DOCK2: variants seen among roughly 807,000 people sequenced by gnomAD.
DOCK2 encodes the protein dedicator of cytokinesis protein 2.
DOCK2 carries 87 observed loss-of-function variants against 248.9 expected under a neutral mutation model. The observed-to-expected ratio is 0.35, with a 90% CI of 0.29 to 0.42. DOCK2 has a LOEUF of 0.42. Among genes scored for constraint, DOCK2 ranks in the 10% least tolerant of loss-of-function variants. The pLI, the probability that DOCK2 is intolerant of heterozygous loss-of-function variation, is 1.00. For synonymous variants in DOCK2, 805 were observed against 821.6 expected (o/e 0.98, Z 0.35); for missense variants, 1,747 against 2,300.2 (o/e 0.76, Z 4.92).
chr5:169,708,485 A>T (rs1405998313), intron 15 of DOCK2, among the ~76,000 whole-genome samples: 1 of 152,184 alleles, frequency 6.6e-6, no homozygotes, highest in African/African-American at 2.4e-5. Flanking sequence ...CTGGGATTCA[A>T]ACCTGAGCAG....
intron 27 of DOCK2, among the ~76,000 whole-genome samples, chr5:169,900,833 T>C (rs1163832598): frequency 6.6e-6 from 1 of 152,048 alleles, no homozygotes; most frequent in Non-Finnish European, 1.5e-5. Context: ...AAGATACAGA[T>C]ATAGCCTGCC....
intron 26 of DOCK2, among the ~76,000 whole-genome samples, chr5:169,825,062 A>C (rs538939043): frequency 3.3e-5 from 5 of 152,316 alleles, no homozygotes; most frequent in African/African-American, 7.2e-5. Flanking sequence ...AATCAAAACC[A>C]CAATGAGATA....
chr5:169,712,510 G>A (rs979069675), intron 17 of DOCK2, among the ~76,000 whole-genome samples: 1 of 152,192 alleles, frequency 6.6e-6, no homozygotes, highest in African/African-American at 2.4e-5. Context: ...TTTACAGAAA[G>A]GTTATTGTTA....
At chr5:169,983,356 A>G (rs1354029581) in intron 28 of DOCK2, among the ~76,000 whole-genome samples, 190 bp downstream of exon 28, 1 of 152,188 alleles carries the variant, frequency 6.6e-6, no homozygotes, top group Non-Finnish European at 1.5e-5. Context: ...TTAGGTTTGC[A>G]TCTAGGATTT....
intron 30 of DOCK2, among the ~76,000 whole-genome samples, chr5:170,005,576 G>T (rs1407014148): frequency 6.6e-6 from 1 of 152,156 alleles, no homozygotes; most frequent in East Asian, 1.9e-4. Context: ...GAAGGTGTTG[G>T]TGGGGAGAAG....
At chr5:170,069,410 A>G (rs900069117) in intron 46 of DOCK2, among the ~76,000 whole-genome samples, 190 bp downstream of exon 46, 2 of 152,236 alleles carry the variant, frequency 1.3e-5, no homozygotes, top group East Asian at 1.9e-4. Context: ...GATTTGGGGC[A>G]TCGCACTCTT....
intron 27 of DOCK2, among the ~76,000 whole-genome samples, chr5:169,960,559 T>TGGAATGGA (rs1259289692): frequency 6.6e-6 from 1 of 152,154 alleles, no homozygotes; most frequent in Non-Finnish European, 1.5e-5. Context: ...GTTTTCAAGG[T>TGGAATGGA]GGATTGGAGG....
intron 37 of DOCK2, 102 bp from the exon 38 acceptor site, chr5:170,041,911 G>C: frequency 7.2e-7 from 1 of 1,381,030 alleles, no homozygotes; most frequent in Non-Finnish European, 9.8e-7. Context: ...GGAAAGGACA[G>C]GGTGTGTGTT....
At chr5:169,775,763 C>T (rs143995515) in intron 25 of DOCK2, among the ~76,000 whole-genome samples, 3 of 151,850 alleles carry the variant, frequency 2.0e-5, no homozygotes, top group East Asian at 3.9e-4. Context: ...GGATGTCAGC[C>T]GAACATGAAA....
intron 27 of DOCK2, among the ~76,000 whole-genome samples, chr5:169,972,530 G>A (rs1777542670): frequency 6.8e-6 from 1 of 147,804 alleles, no homozygotes; most frequent in African/African-American, 2.6e-5. Context: ...CCAGTTAAGA[G>A]CCACTGTGAG....
intron 27 of DOCK2, among the ~76,000 whole-genome samples, chr5:169,890,979 A>G (rs79880772): frequency 0.02 from 3,014 of 152,254 alleles, 102 homozygotes; most frequent in African/African-American, 0.069. Context: ...GTCCCACTAC[A>G]TTTAAATTAA....
At chr5:169,915,501 G>T (rs1204769976) in intron 27 of DOCK2, among the ~76,000 whole-genome samples, 4 of 151,040 alleles carry the variant, frequency 2.6e-5, no homozygotes, top group Non-Finnish European at 5.9e-5. Flanking sequence ...TAATGATTTT[G>T]ACTCATTTCC....
intron 32 of DOCK2, among the ~76,000 whole-genome samples, chr5:170,013,645 G>T (rs1215923993): frequency 6.6e-6 from 1 of 152,096 alleles, no homozygotes; most frequent in Non-Finnish European, 1.5e-5. Context: ...CCTCCAGAAG[G>T]AACTCAGTCT....
At chr5:170,082,764 C>A in intron 51 of DOCK2, 32 bp from the exon 52 acceptor site, 1 of 1,613,814 alleles carries the variant, frequency 6.2e-7, no homozygotes, top group Non-Finnish European at 8.5e-7. Flanking sequence ...ATAATCGCAT[C>A]TTGGTTTTGT....
chr5:169,817,243 T>C (rs1768119280), intron 26 of DOCK2, among the ~76,000 whole-genome samples: 5 of 152,258 alleles, frequency 3.3e-5, no homozygotes. Context: ...CACTTAATTA[T>C]ATGCAGCTTG....
intron 27 of DOCK2, among the ~76,000 whole-genome samples, chr5:169,871,200 A>G (rs58235678): frequency 7.9e-5 from 12 of 152,274 alleles, no homozygotes; most frequent in African/African-American, 2.9e-4. Context: ...AGGGTACACA[A>G]ACATTCAGTC....
Position 169,784,003 on chromosome 5 carries a change from G to C in DOCK2, c.2555-19055G>C, listed in dbSNP as rs556922053. Among the ~76,000 whole-genome samples, 3 of 152,298 alleles carry C rather than the reference G, an allele frequency of 2.0e-5. No homozygotes were observed. The South Asian group carries it at 6.2e-4, about 32-fold the overall frequency. Reference sequence around the variant, plus strand: ...CTGTTTGACCCAGGCAAGTGATGAGGTGATTTGTAAGGCCAATTTAAATCA... The same window carrying C: ...CTGTTTGACCCAGGCAAGTGATGAGCTGATTTGTAAGGCCAATTTAAATCA... On this transcript the variant is annotated intron_variant, in intron 25 of 51. Transcript: ENST00000520908.
intron 8 of DOCK2, 96 bp from the exon 9 acceptor site, chr5:169,689,156 A>C: frequency 8.8e-7 from 1 of 1,131,994 alleles, no homozygotes; most frequent in Non-Finnish European, 1.3e-6. Context: ...AGCAGCCAGT[A>C]TGGTGTTGGG....
At chr5:169,665,905 A>G (rs944433209) in intron 2 of DOCK2, among the ~76,000 whole-genome samples, 2 of 152,134 alleles carry the variant, frequency 1.3e-5, no homozygotes, top group African/African-American at 4.8e-5. Flanking sequence ...TGTATTTGAT[A>G]TTGGTATTTG....
Sources: allele counts gnomAD v4.1 joint callset (sites outside exome capture counted in the v4.1 genomes callset), GRCh38; gene constraint gnomAD v4.1.1; transcripts MANE v1.5; gene names NCBI Gene and HGNC (gene_info 2026-07-23, HGNC 2026-07-21).